TTLL8: variants seen among roughly 807,000 people sequenced by gnomAD.
The protein encoded by TTLL8 is tubulin tyrosine ligase like 8.
Under a neutral mutation model 77.8 loss-of-function variants are expected in TTLL8, and 65 were observed. The observed-to-expected ratio is 0.84, with a 90% confidence interval of 0.68 to 1.03. The LOEUF is 1.03. Among genes scored for constraint, TTLL8 ranks in the 50% least tolerant of loss-of-function variants. The pLI, the probability that TTLL8 is intolerant of heterozygous loss-of-function variation, is 0.00. For missense variants in TTLL8, 910 were observed against 1,004.5 expected, an observed-to-expected ratio of 0.91 and a Z score of 1.27; for synonymous variants, 402 against 422.8, an observed-to-expected ratio of 0.95 and a Z score of 0.60.
chr22:50,037,676 C>T (rs2061346145), intron 8 of TTLL8, among the ~76,000 whole-genome samples: 3 of 152,048 alleles, frequency 2.0e-5, no homozygotes, highest in South Asian at 2.1e-4. Flanking sequence ...AGCTTGGTCT[C>T]GAATGCAGTG....
intron 3 of TTLL8, among the ~76,000 whole-genome samples, chr22:50,048,442 A>C (rs1352231674): frequency 6.6e-6 from 1 of 152,110 alleles, no homozygotes; most frequent in Non-Finnish European, 1.5e-5. Context: ...GTGAGGACGC[A>C]GAGAGAAGCC....
intron 12 of TTLL8, among the ~76,000 whole-genome samples, chr22:50,021,199 GATGTGT>G (rs1382954399): frequency 7.0e-6 from 1 of 143,452 alleles, no homozygotes; most frequent in Non-Finnish European, 1.5e-5. Context: ...TCCTCCATCT[GATGTGT>G]ACTCCTCCAT....
Position 50,041,052 on chromosome 22 carries a change from G to T in TTLL8, c.921+135C>A. ...CTGCCAGTCATTCACCAGCTGCCAA[G>T]CTCTGGGCCTCGGCACACCTCTGCC... On this transcript the variant is annotated intron_variant, in intron 8 of 13. Coordinates refer to ENST00000266182, the Ensembl canonical transcript of TTLL8. This position sits in a 1 kb window ranked among gnomAD's most constrained non-coding sequence, Gnocchi z 4.3. 3.1e-6 allele frequency: 1 copy of T among 324,058 alleles called. No homozygotes were observed. The highest frequency in any genetic ancestry group is 1.1e-4 in the East Asian group (1 of 9,008). 20.1% of individuals were successfully genotyped at this position (324,058 alleles called of 1,614,324 possible). A position where few individuals can be genotyped will look rare whatever the true frequency, so the allele number is the denominator to read the frequency against.
chr22:50,024,302 A>AT (rs926219271), intron 12 of TTLL8, among the ~76,000 whole-genome samples: 27 of 148,310 alleles, frequency 1.8e-4, no homozygotes, highest in Admixed American at 1.5e-3. Context: ...ATGCCTGGCT[A>AT]TTTTTTTTTT....
chr22:50,041,609 C>A lies in TTLL8; in HGVS notation c.830+12G>T, dbSNP rs560257190. The A allele has an allele frequency of 7.4e-7, 1 of 1,345,970 alleles. No homozygotes were observed. The highest frequency in any genetic ancestry group is 9.9e-7 in the Non-Finnish European group (1 of 1,010,618). 83.4% of individuals were successfully genotyped at this position (1,345,970 alleles called of 1,614,324 possible). A position where few individuals can be genotyped will look rare whatever the true frequency, so the allele number is the denominator to read the frequency against. ...AGCTCCGACATGTGCCAGGGGCCTG[C>A]GTAAGTCTTACTGAACGAGGGAGTA... On this transcript the variant is annotated intron_variant, in intron 7 of 13. Coordinates refer to ENST00000266182, the Ensembl canonical transcript of TTLL8. The surrounding 1 kb of genome is among the most constrained non-coding windows in gnomAD (Gnocchi z 4.3).
chr22:50,033,173 G>A (rs369190029), intron 10 of TTLL8, 29 bp downstream of exon 11: 76 of 1,301,120 alleles, frequency 5.8e-5, no homozygotes, highest in Middle Eastern at 2.1e-4. Context: ...TCCCTGGCCC[G>A]AGGTGTCCAG....
At position 50,041,704 on chromosome 22, in the gene TTLL8, G is replaced by A; in HGVS notation, c.747C>T (p.Asp249=). 1 of 1,366,894 alleles carries A rather than the reference G, an allele frequency of 7.3e-7. No homozygotes were observed. Among genetic ancestry groups the A allele is most frequent in the Non-Finnish European group, 9.8e-7 (1 of 1,021,622 alleles). 84.7% of individuals were successfully genotyped at this position (1,366,894 alleles called of 1,614,324 possible). Residue 249 remains aspartate (D), a synonymous_variant, in exon 7 of 14, where the codon GAC becomes GAT. Coordinates refer to ENST00000266182, the Ensembl canonical transcript of TTLL8. This position sits in a 1 kb window ranked among gnomAD's most constrained non-coding sequence, Gnocchi z 4.3. ...CCACGGCATCTGCTGACGTGTCGAT[G>A]TCCTCATGCTCCAGCTGCCCCAGGT... is the stretch of plus-strand genomic sequence containing the variant.
upstream of TTLL8, among the ~76,000 whole-genome samples, chr22:50,057,442 TG>T (rs779526500): frequency 2.8e-3 from 108 of 38,330 alleles, no homozygotes; most frequent in Non-Finnish European, 3.8e-3. Flanking sequence ...AGGTCTGGGT[TG>T]GGGGTCAGGT....
In TTLL8 at chr22:50,043,406, G is replaced by A. The variant is rs111940194; in HGVS notation, c.644-1599C>T. 3.9e-3 allele frequency among the ~76,000 whole-genome samples: 294 copies of A among 74,892 alleles called. 1 individual carries two copies. The highest frequency in any genetic ancestry group is 5.6e-3 in the Admixed American group (44 of 7,810). The allele number at this position is 74,892 out of a possible 152,430, so 49.1% of individuals were successfully genotyped here. On this transcript the variant is annotated intron_variant, in intron 6 of 13. Transcript: ENST00000266182. ...AAACAGTGGTGCCGAGACGTCCTTC[G>A]GTAGATGGATAGATAGATAAACAGT...
At chr22:50,025,089 A>G (rs1042212161) in intron 12 of TTLL8, among the ~76,000 whole-genome samples, 1 of 152,200 alleles carries the variant, frequency 6.6e-6, no homozygotes, top group Non-Finnish European at 1.5e-5. Flanking sequence ...AAAATGTGAA[A>G]GTCAAAACCA....
At chr22:50,045,257 T>C (rs758193536) in exon 6 of TTLL8, 1 of 1,354,548 alleles carries the variant, frequency 7.4e-7, no homozygotes, top group African/African-American at 1.5e-5. Context: ...CAGCGCACCT[T>C]GCCTGCTGCT....
chr22:50,033,239 A>G, exon 10 of TTLL8: 3 of 1,357,618 alleles, frequency 2.2e-6, no homozygotes, highest in Non-Finnish European at 2.9e-6. Context: ...TGAGTTGAGA[A>G]CCGCAAGTAA....
intron 6 of TTLL8, among the ~76,000 whole-genome samples, chr22:50,043,686 A>G (rs2061390381): frequency 6.6e-6 from 1 of 152,220 alleles, no homozygotes; most frequent in Non-Finnish European, 1.5e-5. Context: ...ACTCAGCCCT[A>G]AAAAGAAAAG....
rs1458004361 is a variant in TTLL8, at chr22:50,047,158, G to A, written c.393+10C>T. ...CCGGCTCCCGCCACGCTCAAGCGCG[G>A]CCGGCTCACCTTGGTGGTGAAGGAG... On this transcript the variant is annotated intron_variant, in intron 4 of 13. Transcript: ENST00000266182. 7.3e-7 allele frequency: 1 copy of A among 1,367,090 alleles called. No individual in the cohort carries two copies. Among genetic ancestry groups the A allele is most frequent in the Admixed American group, 1.9e-5 (1 of 52,544 alleles). 84.7% of individuals were successfully genotyped at this position (1,367,090 alleles called of 1,614,324 possible).
intron 10 of TTLL8, among the ~76,000 whole-genome samples, chr22:50,032,626 A>G (rs1359554408): frequency 6.6e-6 from 1 of 152,108 alleles, no homozygotes; most frequent in African/African-American, 2.4e-5. Flanking sequence ...CACTCGTAAA[A>G]AGCAGACCCC....
exon 11 of TTLL8, chr22:50,031,751 C>T (rs1217838752): frequency 2.2e-6 from 3 of 1,359,456 alleles, no homozygotes; most frequent in African/African-American, 3.0e-5. Context: ...TTGATGGTGT[C>T]CTCCTGCACC....
At chr22:50,042,701 G>A (rs756099832) in intron 6 of TTLL8, among the ~76,000 whole-genome samples, 6 of 152,156 alleles carry the variant, frequency 3.9e-5, no homozygotes, top group African/African-American at 9.7e-5. Flanking sequence ...AGGCTGACAC[G>A]GGAGGATCGC....
intron 8 of TTLL8, among the ~76,000 whole-genome samples, chr22:50,040,031 TCA>T (rs2061360184): frequency 6.6e-6 from 1 of 150,830 alleles, no homozygotes; most frequent in African/African-American, 2.5e-5. Context: ...TGGACGGACC[TCA>T]CAGACCCCAC....
intron 12 of TTLL8, among the ~76,000 whole-genome samples, chr22:50,020,368 G>A (rs552397934): frequency 1.2e-3 from 179 of 146,544 alleles, no homozygotes; most frequent in African/African-American, 4.3e-3. Context: ...ATCTGATGAC[G>A]TGCACTCCTC....
Sources: allele counts gnomAD v4.1 joint callset (sites outside exome capture counted in the v4.1 genomes callset), GRCh38; gene constraint gnomAD v4.1.1; non-coding constraint Gnocchi (gnomAD v3.1); transcripts MANE v1.5; gene names NCBI Gene and HGNC (gene_info 2026-07-23, HGNC 2026-07-21).